Variants in PPFIA4 observed in about 807,000 individuals in gnomAD.
PPFIA4 encodes the protein PPFI scaffold protein A4, also known as liprin-alpha-4.
PPFIA4 carries 98 observed loss-of-function variants against 145.7 expected under a neutral mutation model. The ratio of observed to expected loss-of-function variants is 0.67; its 90% CI spans 0.57 to 0.80. PPFIA4 has a LOEUF of 0.80. PPFIA4 is among the 30% of genes least tolerant of loss of function. PPFIA4 has a pLI of 0.00. For missense variants in PPFIA4, 1,457 were observed against 1,632.7 expected (o/e 0.89, Z 1.85); for synonymous variants, 628 against 649.6 (o/e 0.97, Z 0.51).
chr1:203,061,504 C>T, intron 23 of PPFIA4, 148 bp from the exon 24 acceptor site: 1 of 766,508 alleles, frequency 1.3e-6, no homozygotes, highest in South Asian at 2.2e-5. Flanking sequence ...ACCTTGTGTT[C>T]TCTCTTAACC....
chr1:203,056,350 C>G, intron 17 of PPFIA4, 25 bp from the exon 18 acceptor site: 2 of 1,612,208 alleles, frequency 1.2e-6, no homozygotes, highest in Non-Finnish European at 1.7e-6. Context: ...CCCTCTATCC[C>G]CTGACGGCTC....
intron 27 of PPFIA4, among the ~76,000 whole-genome samples, chr1:203,070,990 A>G (rs1299808338): frequency 6.8e-6 from 1 of 147,652 alleles, no homozygotes; most frequent in Admixed American, 6.8e-5. Flanking sequence ...GTCTTGTTCT[A>G]TCACCCGATC....
chr1:203,027,774 C>G (rs1034867085), intron 1 of PPFIA4, among the ~76,000 whole-genome samples: 1 of 152,180 alleles, frequency 6.6e-6, no homozygotes, highest in African/African-American at 2.4e-5. Flanking sequence ...CTGAAAGGTA[C>G]ACATAGGAGG....
rs567798446 is a variant in PPFIA4, at chr1:203,048,797, C to T, written c.1356+83C>T. On this transcript the variant is annotated intron_variant, in intron 11 of 29. Coordinates refer to ENST00000295706, the MANE Select transcript of PPFIA4 (RefSeq NM_001304331.2). This position sits in a 1 kb window ranked among gnomAD's most constrained non-coding sequence, Gnocchi z 5.8. Reference sequence around the variant, plus strand: ...GAGGCGGGACTGTGATGGGCGCAGGCGGGGTCTCAATGGGGTGGGTGGCCA... The same window carrying T: ...GAGGCGGGACTGTGATGGGCGCAGGTGGGGTCTCAATGGGGTGGGTGGCCA... The T allele has an allele frequency of 2.4e-5, 31 of 1,313,212 alleles. No individual in the cohort carries two copies. In the Admixed American group the frequency reaches 2.9e-4, roughly 12 times the overall value. 81.3% of individuals were successfully genotyped at this position (1,313,212 alleles called of 1,614,324 possible).
chr1:203,054,330 G>A (rs117862707), intron 15 of PPFIA4, among the ~76,000 whole-genome samples: 1 of 152,316 alleles, frequency 6.6e-6, no homozygotes, highest in East Asian at 1.9e-4. Flanking sequence ...CAGTGCCTGA[G>A]GTAGGCAGCA....
rs981359527 is a variant in PPFIA4, at chr1:203,056,791, G to A, written c.2248G>A (p.Glu750Lys). The change falls in exon 19 of 30, where the codon GAG becomes AAG. Residue 750 changes from glutamate to lysine, a missense_variant. Around this residue, in one of 3 missense-constraint regions of PPFIA4, gnomAD observed 848 missense variants for 1,046.7 expected, o/e 0.81. Transcript: ENST00000295706. The stretch of plus-strand genomic sequence containing the variant: ...CTGGCTGTCACCCTGTAGTGCCTTG[G>A]AGGATCAGGGCAGCAACCCCAGCAG... ...LSQEEGKSAL[E>K]DQGSNPSSSN... 2.5e-6 allele frequency: 4 copies of A among 1,607,100 alleles called. No homozygotes were observed. Among genetic ancestry groups the A allele is most frequent in the Non-Finnish European group, 3.4e-6 (4 of 1,175,426 alleles).
chr1:203,045,769 G>A (rs751774764), intron 7 of PPFIA4, 72 bp from the exon 8 acceptor site: 14 of 1,602,894 alleles, frequency 8.7e-6, no homozygotes, highest in Non-Finnish European at 1.2e-5. Flanking sequence ...GCCAGGTGTG[G>A]GTGGGGAGGT....
In PPFIA4 at chr1:203,045,525, A is replaced by G; in HGVS notation, c.824A>G (p.Glu275Gly). The G allele has an allele frequency of 6.2e-7, 1 of 1,603,592 alleles. No individual in the cohort carries two copies. ...TARRDLIKSEELSSKHQRDLR... is the reference protein window; with the variant it reads ...TARRDLIKSEGLSSKHQRDLR... ...CGCCGGGACCTCATCAAGTCGGAGG[A>G]GCTGAGCAGCAAGCATCAGCGGGAC... is the stretch of plus-strand genomic sequence containing the variant. The change falls in exon 7 of 30, where the codon GAG (glutamate) becomes GGG (glycine). Residue 275 changes from glutamate to glycine, a missense_variant. Glu to Gly is a moderately conservative substitution (Grantham distance 98). Transcript: ENST00000295706.
intron 1 of PPFIA4, among the ~76,000 whole-genome samples, chr1:203,032,424 C>T (rs546370232): frequency 1.9e-4 from 8 of 41,658 alleles, no homozygotes; most frequent in South Asian, 1.6e-3. Flanking sequence ...CTCCCTTCCC[C>T]GCTTTTTTGT....
intron 1 of PPFIA4, chr1:203,037,192 AG>A: frequency 2.7e-6 from 1 of 375,960 alleles, no homozygotes; most frequent in Non-Finnish European, 5.5e-6. Context: ...TACTCTGGGG[AG>A]GGGGTCCAGG....
chr1:203,055,289 T>C lies in PPFIA4; in HGVS notation c.1830-143T>C. On this transcript the variant is annotated intron_variant, in intron 15 of 29. Transcript: ENST00000295706. This position sits in a 1 kb window ranked among gnomAD's most constrained non-coding sequence, Gnocchi z 4.8. ...CAAGCTAACAAGAAAGAGATGTGTT[T>C]CTAAGCTCCAGTGGGACAGACAAAG... 1 of 1,091,170 alleles carries C rather than the reference T, an allele frequency of 9.2e-7. No homozygotes were observed. Among genetic ancestry groups the C allele is most frequent in the South Asian group, 1.5e-5 (1 of 65,930 alleles). The allele number at this position is 1,091,170 out of a possible 1,614,324, so 67.6% of individuals were successfully genotyped here.
rs1329721919 is a variant in PPFIA4, at chr1:203,056,823, C to T, written c.2280C>T (p.Asn760=). 1.9e-6 allele frequency: 3 copies of T among 1,613,752 alleles called. No homozygotes were observed. The highest frequency in any genetic ancestry group is 1.7e-6 in the Non-Finnish European group (2 of 1,179,750). ...AGGGCAGCAACCCCAGCAGCAGCAA[C>T]AGCAGCCAGGACTCCCTGCACAAGG... is the stretch of plus-strand genomic sequence containing the variant. ...EDQGSNPSSS[N]SSQDSLHKGA... is the part of the protein sequence containing the mutation. Residue 760 remains asparagine (N), a synonymous_variant, in exon 19 of 30, where the codon AAC becomes AAT. Coordinates refer to ENST00000295706, the MANE Select transcript of PPFIA4 (RefSeq NM_001304331.2).
At chr1:203,067,547 T>G (rs989300566) in intron 25 of PPFIA4, 148 bp from the exon 26 acceptor site, 26 of 666,800 alleles carry the variant, frequency 3.9e-5, no homozygotes, top group Non-Finnish European at 6.2e-5. Flanking sequence ...GGCAAGGCCC[T>G]GGGGAAGGAG....
chr1:203,059,065 C>T (rs1661179061), intron 19 of PPFIA4, 113 bp from the exon 20 acceptor site: 3 of 780,500 alleles, frequency 3.8e-6, no homozygotes, highest in Non-Finnish European at 6.5e-6. Flanking sequence ...CCCGTCAGGC[C>T]ATGGGTTGTC....
At position 203,039,262 on chromosome 1, in the gene PPFIA4, G is replaced by T; in HGVS notation, c.234+20G>T. On this transcript the variant is annotated intron_variant, in intron 2 of 29. Coordinates refer to ENST00000295706, the MANE Select transcript of PPFIA4 (RefSeq NM_001304331.2). ...CCCCAGGTAAGGCCCGAAGGCCTGCGTCTCTCTTAACCCCTTTCCCTCCTC... is the reference window on the plus strand; with the variant it reads ...CCCCAGGTAAGGCCCGAAGGCCTGCTTCTCTCTTAACCCCTTTCCCTCCTC... 2.6e-6 allele frequency: 4 copies of T among 1,536,406 alleles called. No individual in the cohort carries two copies. Among genetic ancestry groups the T allele is most frequent in the Non-Finnish European group, 3.5e-6 (4 of 1,141,344 alleles).
At chr1:203,067,996 CA>C (rs1312710896) in intron 26 of PPFIA4, among the ~76,000 whole-genome samples, 1 of 152,112 alleles carries the variant, frequency 6.6e-6, no homozygotes, top group Non-Finnish European at 1.5e-5. Context: ...CCCTCAACCC[CA>C]CATACCAGAT....
Position 203,048,623 on chromosome 1 carries a change from G to C in PPFIA4, c.1265G>C (p.Arg422Pro). The change falls in exon 11 of 30, where the codon CGG (arginine) becomes CCG (proline). Residue 422 changes from arginine (R) to proline (P), a missense_variant. Transcript: ENST00000295706. This position sits in a 1 kb window ranked among gnomAD's most constrained non-coding sequence, Gnocchi z 5.8. ...AAGATGAATGAGGACCACAACAAGCGGCTGTCGGACACAGTGGACCGGCTG... is the reference window on the plus strand; with the variant it reads ...AAGATGAATGAGGACCACAACAAGCCGCTGTCGGACACAGTGGACCGGCTG... ...REKMNEDHNK[R>P]LSDTVDRLLS... 1 of 1,600,862 alleles carries C rather than the reference G, an allele frequency of 6.2e-7. No individual in the cohort carries two copies. Among genetic ancestry groups the C allele is most frequent in the South Asian group, 1.1e-5 (1 of 88,874 alleles).
chr1:203,053,323 A>G (rs1558084244), intron 14 of PPFIA4, among the ~76,000 whole-genome samples: 1 of 151,842 alleles, frequency 6.6e-6, no homozygotes, highest in East Asian at 1.9e-4. Context: ...GCTTGAGCTC[A>G]GAAGTTCACT....
chr1:203,062,404 T>C (rs558953293), intron 24 of PPFIA4, among the ~76,000 whole-genome samples: 1 of 126,960 alleles, frequency 7.9e-6, no homozygotes, highest in South Asian at 2.6e-4. Flanking sequence ...GGCGTGAACC[T>C]GGGAGGCGGA....
Sources: allele counts gnomAD v4.1 joint callset (sites outside exome capture counted in the v4.1 genomes callset), GRCh38; gene constraint gnomAD v4.1.1; regional missense constraint gnomAD v4.1.1; non-coding constraint Gnocchi (gnomAD v3.1); transcripts MANE v1.5; gene names NCBI Gene and HGNC (gene_info 2026-07-23, HGNC 2026-07-21).